Variants in TOP2B observed in about 807,000 individuals in gnomAD.
TOP2B encodes DNA topoisomerase II beta.
In TOP2B, 51 loss-of-function variants were observed where a neutral mutation model predicts 193.5. The ratio of observed to expected loss-of-function variants is 0.26; its 90% CI spans 0.21 to 0.33. The LOEUF is 0.33. Ranked by LOEUF, TOP2B falls within the 10% of genes least tolerant of loss-of-function variation. The pLI is 1.00. For missense variants in TOP2B, 1,378 were observed against 1,909.3 expected (o/e 0.72, Z 5.19); for synonymous variants, 634 against 635.7 (o/e 1.00, Z 0.04).
intron 4 of TOP2B, among the ~76,000 whole-genome samples, chr3:25,640,741 T>A (rs1703234176): frequency 6.6e-6 from 1 of 151,062 alleles, no homozygotes. Context: ...TATAGCTCAC[T>A]TCTTCGTTGT....
chr3:25,634,408 A>C (rs1435240273), intron 7 of TOP2B, among the ~76,000 whole-genome samples: 2 of 152,096 alleles, frequency 1.3e-5, no homozygotes, highest in Non-Finnish European at 2.9e-5. Context: ...CCACTGAAGA[A>C]CTGAGATCAC....
chr3:25,643,492 A>G (rs1468856738), intron 3 of TOP2B, among the ~76,000 whole-genome samples: 1 of 152,230 alleles, frequency 6.6e-6, no homozygotes, highest in Non-Finnish European at 1.5e-5. Context: ...TCATAGATGA[A>G]GAAAATGAAA....
chr3:25,622,442 A>G (rs374140025), intron 21 of TOP2B, among the ~76,000 whole-genome samples: 12 of 152,126 alleles, frequency 7.9e-5, no homozygotes, highest in Admixed American at 7.9e-4. Context: ...TATTGTCTCT[A>G]TATTGTGGGT....
intron 15 of TOP2B, among the ~76,000 whole-genome samples, chr3:25,628,336 G>A (rs937059399): frequency 6.7e-6 from 1 of 150,182 alleles, no homozygotes; most frequent in Non-Finnish European, 1.5e-5. Context: ...TTAGCTGGGT[G>A]TGGTGGCACA....
At position 25,618,508 on chromosome 3, in the gene TOP2B, C is replaced by T. The variant is rs748465177; in HGVS notation, c.3261G>A (p.Glu1087=). 1.9e-6 allele frequency: 3 copies of T among 1,608,084 alleles called. No individual in the cohort carries two copies. The highest frequency in any genetic ancestry group is 2.6e-6 in the Non-Finnish European group (3 of 1,176,000). ...LEKIQGKITI[E]NRSKKDLIQM... is the part of the protein sequence containing the mutation. ...GAATCAAATCTTTCTTTGACCTATT[C>T]TCTATGTGAGGGAAAAATAAAGTTA... Residue 1087 remains glutamate (E), a splice_region_variant and synonymous_variant, in exon 25 of 36, where the codon GAG becomes GAA. Coordinates refer to ENST00000264331, the MANE Select transcript of TOP2B (RefSeq NM_001330700.2).
chr3:25,606,151 G>A, intron 31 of TOP2B, 29 bp from the exon 32 acceptor site: 2 of 1,089,168 alleles, frequency 1.8e-6, no homozygotes, highest in Non-Finnish European at 1.3e-6. Flanking sequence ...ACACCACAGA[G>A]GATACAATTT....
At chr3:25,612,339 T>C (rs1438609400) in intron 28 of TOP2B, among the ~76,000 whole-genome samples, 176 bp downstream of exon 28, 2 of 152,232 alleles carry the variant, frequency 1.3e-5, no homozygotes, top group African/African-American at 4.8e-5. Flanking sequence ...ATGTGATCCT[T>C]TACCAATATG....
In TOP2B at chr3:25,638,141, A is replaced by T. The variant is rs1442196359; in HGVS notation, c.541+24T>A. ...TATATTAAGAAAACAGTATTTTTCA[A>T]CCAAAATTCCATTCAGACTTTACCT... On this transcript the variant is annotated intron_variant, in intron 5 of 35. Transcript: ENST00000264331. 2.6e-6 allele frequency: 4 copies of T among 1,548,876 alleles called. No homozygotes were observed. In the South Asian group the frequency reaches 3.6e-5, roughly 14 times the overall value.
intron 13 of TOP2B, among the ~76,000 whole-genome samples, chr3:25,629,375 T>C (rs1350555409): frequency 6.6e-6 from 1 of 152,082 alleles, no homozygotes; most frequent in East Asian, 1.9e-4. Context: ...TTTTATCTGT[T>C]TTATAGTTTC....
intron 34 of TOP2B, 99 bp from the exon 35 acceptor site, chr3:25,599,628 A>G (rs1575557995): frequency 8.9e-7 from 1 of 1,118,724 alleles, no homozygotes. Flanking sequence ...ATGCCCAATC[A>G]GTGGAGCATT....
At chr3:25,664,166 A>G in intron 1 of TOP2B, 63 bp downstream of exon 1, 1 of 1,510,040 alleles carries the variant, frequency 6.6e-7, no homozygotes, top group East Asian at 2.5e-5. Flanking sequence ...GCCCGTTCGG[A>G]ATTCCGCCCC....
chr3:25,638,314 T>TAAAAAA lies in TOP2B; in HGVS notation c.396-10_396-5dup, dbSNP rs56986587. The TAAAAAA allele has an allele frequency of 8.0e-4, 105 of 131,916 alleles. 17 individuals are homozygous for TAAAAAA. Among genetic ancestry groups the TAAAAAA allele is most frequent in the African/African-American group, 1.1e-3 (11 of 10,128 alleles). 8.2% of individuals were successfully genotyped at this position (131,916 alleles called of 1,614,324 possible). A position where few individuals can be genotyped will look rare whatever the true frequency, so the allele number is the denominator to read the frequency against. On this transcript the variant is annotated splice_region_variant and splice_polypyrimidine_tract_variant and intron_variant, in intron 4 of 35. Transcript: ENST00000264331. ...AATGCTTATAATGTTAGATTCACTG[T>TAAAAAA]AAAAAAAAAAAAAAAAAAAAAAAAA...
chr3:25,632,436 T>C lies in TOP2B; in HGVS notation c.1266+10A>G, dbSNP rs1362526238. ...ATAACAACAATAAAAAAAATACAAG[T>C]TTTACTCACTGCTTTAAAAAATTTT... On this transcript the variant is annotated intron_variant, in intron 10 of 35. Coordinates refer to ENST00000264331, the MANE Select transcript of TOP2B (RefSeq NM_001330700.2). 1 of 1,542,240 alleles carries C rather than the reference T, an allele frequency of 6.5e-7. No individual in the cohort carries two copies.
chr3:25,627,100 C>G, intron 16 of TOP2B, 87 bp downstream of exon 16: 1 of 956,348 alleles, frequency 1.0e-6, no homozygotes, highest in Middle Eastern at 2.2e-4. Flanking sequence ...TCAAAAGAGA[C>G]TTATCATAGG....
intron 13 of TOP2B, among the ~76,000 whole-genome samples, chr3:25,629,699 T>C (rs1358912251): frequency 6.6e-6 from 1 of 152,162 alleles, no homozygotes; most frequent in Non-Finnish European, 1.5e-5. Flanking sequence ...CTGGTATTTG[T>C]GCATTCCAAA....
chr3:25,664,798 G>A lies in TOP2B; in HGVS notation c.-501C>T. 3 of 986,960 alleles carry A rather than the reference G, an allele frequency of 3.0e-6. No homozygotes were observed. The highest frequency in any genetic ancestry group is 9.1e-5 in the South Asian group (2 of 21,946). The allele number at this position is 986,960 out of a possible 1,614,324, so 61.1% of individuals were successfully genotyped here. A position where few individuals can be genotyped will look rare whatever the true frequency, so the allele number is the denominator to read the frequency against. On this transcript the variant is annotated 5_prime_UTR_variant, in exon 1 of 36. Coordinates refer to ENST00000264331, the MANE Select transcript of TOP2B (RefSeq NM_001330700.2). ...CTGCTTCAAAGGCAGCCTTAGCCTC[G>A]CTGCAGCCCCGATTTCCTCACACAC... is the stretch of plus-strand genomic sequence containing the variant.
chr3:25,640,425 T>C (rs1478089338), intron 4 of TOP2B, among the ~76,000 whole-genome samples: 2 of 152,166 alleles, frequency 1.3e-5, no homozygotes, highest in African/African-American at 2.4e-5. Context: ...CTTCTTGGAA[T>C]AGCTAAGGAT....
At chr3:25,602,396 CAAA>C (rs368021384) in intron 33 of TOP2B, among the ~76,000 whole-genome samples, 3 of 41,440 alleles carry the variant, frequency 7.2e-5, no homozygotes, top group Non-Finnish European at 1.5e-4. Context: ...GACTCTGTCT[CAAA>C]AAAAAAAAAA....
chr3:25,631,072 A>G, intron 10 of TOP2B, 133 bp from the exon 11 acceptor site: 1 of 637,438 alleles, frequency 1.6e-6, no homozygotes, highest in African/African-American at 1.9e-5. Context: ...TAATGGTGAT[A>G]AGCATCATGA....
Sources: gnomAD v4.1 joint callset for allele counts (sites outside exome capture counted in the v4.1 genomes callset) on GRCh38, gnomAD v4.1.1 for gene constraint, MANE v1.5 for transcripts, NCBI Gene and HGNC (gene_info 2026-07-23, HGNC 2026-07-21) for gene names.